The following MYO7A variants were observed in gnomAD, a reference collection of about 807,000 sequenced individuals.
MYO7A encodes myosin VIIA.
Under a neutral mutation model 263.8 loss-of-function variants are expected in MYO7A, and 210 were observed. That is an observed-to-expected ratio of 0.80 (90% CI 0.71 to 0.89). The LOEUF (loss-of-function observed/expected upper bound fraction) is 0.89, where lower values mean the gene tolerates loss of function less well. Among genes scored for constraint, MYO7A ranks in the 40% least tolerant of loss-of-function variants. The pLI, the probability that MYO7A is intolerant of heterozygous loss-of-function variation, is 0.00. For missense variants in MYO7A, 2,820 were observed against 2,968.3 expected (o/e 0.95, Z 1.16); for synonymous variants, 1,239 against 1,197.3 (o/e 1.03, Z -0.72).
At position 77,179,070 on chromosome 11, in the gene MYO7A, G is replaced by A. The variant is rs375253473; in HGVS notation, c.2308G>A (p.Ala770Thr). The change falls in exon 20 of 49, where the codon GCT (alanine) becomes ACT (threonine). Residue 770 changes from alanine to threonine, a missense_variant. By Grantham distance (58) the Ala-to-Thr change is moderately conservative. Coordinates refer to ENST00000409709, the MANE Select transcript of MYO7A (RefSeq NM_000260.4). ...GTCTAACTTTCTGAAGCTGAAGAAC[G>A]CTGCCACACTGATCCAGAGGCACTG... is the stretch of plus-strand genomic sequence containing the variant. ...DRSNFLKLKNAATLIQRHWRG... is the reference protein window; with the variant it reads ...DRSNFLKLKNTATLIQRHWRG... The A allele has an allele frequency of 1.3e-4, 215 of 1,608,702 alleles. No homozygotes were observed. Among genetic ancestry groups the A allele is most frequent in the Middle Eastern group, 3.3e-4 (2 of 6,076 alleles).
intron 2 of MYO7A, 41 bp downstream of exon 2, chr11:77,130,693 G>A (rs1555045818): frequency 4.4e-6 from 7 of 1,608,186 alleles, no homozygotes; most frequent in East Asian, 2.2e-5. Context: ...TCCTCCCCAG[G>A]CCATATCCCC....
Position 77,162,129 on chromosome 11 carries a change from G to C in MYO7A, c.1353G>C (p.Gln451His). Reference sequence around the variant, plus strand: ...CCCTGTGCCCCTGCAGCTTTGAGCAGCTCTGCATCAACTTCGCCAATGAGC... The same window carrying C: ...CCCTGTGCCCCTGCAGCTTTGAGCACCTCTGCATCAACTTCGCCAATGAGC... ...FENFAVNSFE[Q>H]LCINFANEHL... is the part of the protein sequence containing the mutation. Residue 451 changes from glutamine to histidine, a missense_variant, in exon 13 of 49, where the codon CAG becomes CAC. Physicochemically the swap from Gln to His is conservative, Grantham distance 24. Transcript: ENST00000409709. 1 of 1,599,818 alleles carries C rather than the reference G, an allele frequency of 6.3e-7. No individual in the cohort carries two copies. Among genetic ancestry groups the C allele is most frequent in the Non-Finnish European group, 8.5e-7 (1 of 1,173,276 alleles).
At chr11:77,148,328 C>G (rs868908669) in intron 4 of MYO7A, among the ~76,000 whole-genome samples, 3 of 152,212 alleles carry the variant, frequency 2.0e-5, no homozygotes, top group Admixed American at 6.5e-5. Flanking sequence ...GGGACTAGGA[C>G]CTGCCATCAG....
At chr11:77,207,739 C>T (rs1367802855) in intron 42 of MYO7A, among the ~76,000 whole-genome samples, 1 of 152,216 alleles carries the variant, frequency 6.6e-6, no homozygotes, top group African/African-American at 2.4e-5. Context: ...CAAATTAACC[C>T]TTGAAAGAAT....
chr11:77,170,721 T>G (rs6592710), intron 15 of MYO7A, among the ~76,000 whole-genome samples: 65,999 of 151,648 alleles, frequency 0.44, 15,382 homozygotes, highest in African/African-American at 0.6. Context: ...CCAGGGGAGG[T>G]TGGCCTGGAA....
chr11:77,130,733 T>TGGGGAGGGTG, intron 2 of MYO7A, 81 bp downstream of exon 2: 2 of 1,496,740 alleles, frequency 1.3e-6, no homozygotes, highest in Non-Finnish European at 1.8e-6. Flanking sequence ...TGGGACACCC[T>TGGGGAGGGTG]CCCCAGGGTG....
chr11:77,151,942 C>G (rs1171587687), intron 4 of MYO7A, among the ~76,000 whole-genome samples: 5 of 152,152 alleles, frequency 3.3e-5, no homozygotes, highest in African/African-American at 1.2e-4. Flanking sequence ...TCTCGTTCAC[C>G]CTACCCCCCA....
intron 35 of MYO7A, among the ~76,000 whole-genome samples, chr11:77,200,085 A>G (rs1294148709): frequency 1.3e-5 from 2 of 152,132 alleles, no homozygotes; most frequent in Non-Finnish European, 2.9e-5. Context: ...CCTGGGCAAC[A>G]TAGTGAGACC....
At chr11:77,159,338 A>G in intron 9 of MYO7A, 109 bp from the exon 10 acceptor site, 1 of 948,490 alleles carries the variant, frequency 1.1e-6, no homozygotes, top group Non-Finnish European at 1.6e-6. Context: ...CTCCCTGGAC[A>G]GGGCAGGACC....
At chr11:77,155,814 C>T in intron 4 of MYO7A, 93 bp from the exon 5 acceptor site, 1 of 1,359,408 alleles carries the variant, frequency 7.4e-7, no homozygotes, top group Non-Finnish European at 9.8e-7. Flanking sequence ...CTCTTCCCTC[C>T]AGGGTGCTGG....
chr11:77,159,563 C>G (rs375771857), intron 10 of MYO7A, 40 bp downstream of exon 10: 13 of 1,589,262 alleles, frequency 8.2e-6, no homozygotes, highest in Non-Finnish European at 1.0e-5. Flanking sequence ...ACTTCTGTCC[C>G]TCTGAAGGGT....
intron 3 of MYO7A, among the ~76,000 whole-genome samples, chr11:77,143,634 T>C (rs782031727): frequency 6.6e-6 from 1 of 152,100 alleles, no homozygotes; most frequent in Non-Finnish European, 1.5e-5. Flanking sequence ...GGTATGCAGA[T>C]GGGGTGCAGA....
At chr11:77,160,002 T>A (rs1952834619) in intron 10 of MYO7A, among the ~76,000 whole-genome samples, 161 bp from the exon 11 acceptor site, 1 of 152,054 alleles carries the variant, frequency 6.6e-6, no homozygotes, top group Admixed American at 6.5e-5. Context: ...CTGGGGCAGG[T>A]TTCCATGGCT....
Position 77,170,606 on chromosome 11 carries a change from A to G in MYO7A, c.1798-2142A>G, listed in dbSNP as rs564398360. Among the ~76,000 whole-genome samples, 4 of 152,300 alleles carry G rather than the reference A, an allele frequency of 2.6e-5. No individual in the cohort carries two copies. The East Asian group carries it at 7.7e-4, about 29-fold the overall frequency. ...CCAGGCACTCAAAGCTCCAGCACCC[A>G]GAAGAGTCCCTGTCTGAAGGCCCTG... On this transcript the variant is annotated intron_variant, in intron 15 of 48. Coordinates refer to ENST00000409709, the MANE Select transcript of MYO7A (RefSeq NM_000260.4).
chr11:77,144,992 G>A (rs1056876771), intron 3 of MYO7A, among the ~76,000 whole-genome samples: 1 of 152,152 alleles, frequency 6.6e-6, no homozygotes, highest in Non-Finnish European at 1.5e-5. Flanking sequence ...CTCAGCTACT[G>A]CCCTGGTTAC....
chr11:77,147,603 G>A (rs140516475), intron 3 of MYO7A, among the ~76,000 whole-genome samples, 195 bp from the exon 4 acceptor site: 1 of 152,054 alleles, frequency 6.6e-6, no homozygotes, highest in African/African-American at 2.4e-5. Context: ...GAGAAGGAGC[G>A]GTCCTTGAGG....
At chr11:77,135,530 A>T (rs1479815881) in intron 2 of MYO7A, among the ~76,000 whole-genome samples, 3 of 152,234 alleles carry the variant, frequency 2.0e-5, no homozygotes, top group Non-Finnish European at 2.9e-5. Context: ...TGCTTTGAAC[A>T]TAGGTGTGCA....
rs1011767733 is a variant in MYO7A at position 77,197,949 on chromosome 11, G to C, written c.4441+351G>C. ...ACATCTTCTGTGCTCAGTGGTGCAC[G>C]GGATTGAAAAACTGAGTGAGGATTG... On this transcript the variant is annotated intron_variant, in intron 33 of 48. Transcript: ENST00000409709. 2.6e-5 allele frequency among the ~76,000 whole-genome samples: 4 copies of C among 152,366 alleles called. 1 individual carries two copies. In the South Asian group the frequency reaches 8.3e-4, roughly 32 times the overall value.
intron 2 of MYO7A, among the ~76,000 whole-genome samples, chr11:77,139,862 C>T (rs934175348): frequency 1.3e-5 from 2 of 152,190 alleles, no homozygotes; most frequent in African/African-American, 2.4e-5. Context: ...ATCCTTACAA[C>T]CTGCCTGCCT....
Sources: allele counts gnomAD v4.1 joint callset (sites outside exome capture counted in the v4.1 genomes callset), GRCh38; gene constraint gnomAD v4.1.1; transcripts MANE v1.5; gene names NCBI Gene and HGNC (gene_info 2026-07-23, HGNC 2026-07-21).